The following MAP6 variants were observed in gnomAD, a reference collection of about 807,000 sequenced individuals.
MAP6 encodes microtubule associated protein 6.
Under a neutral mutation model 42.4 loss-of-function variants are expected in MAP6, and 26 were observed. That is an observed-to-expected ratio of 0.61 (90% confidence interval 0.45 to 0.85). The LOEUF (loss-of-function observed/expected upper bound fraction) is 0.85. MAP6 is among the 40% of genes least tolerant of loss of function. The pLI, the probability that MAP6 is intolerant of heterozygous loss-of-function variation, is 0.00. For synonymous variants in MAP6, 418 were observed against 443.8 expected (o/e 0.94, Z 0.73); for missense variants, 966 against 1,099.0 (o/e 0.88, Z 1.71).
intron 2 of MAP6, among the ~76,000 whole-genome samples, chr11:75,606,591 G>A (rs954721926): frequency 2.0e-5 from 3 of 152,170 alleles, no homozygotes; most frequent in African/African-American, 4.8e-5. Context: ...GTTCTGGGGC[G>A]GTGGGTCGCT....
chr11:75,654,297 C>T lies in MAP6; in HGVS notation c.905+13168G>A, dbSNP rs930689727. ...ATGTATTGTACTTTTAAGTGCCCTT[C>T]TGAATTTTTATCTCATTGATAAAAA... is the stretch of plus-strand genomic sequence containing the variant. On this transcript the variant is annotated intron_variant, in intron 1 of 3. Transcript: ENST00000304771. Among the ~76,000 whole-genome samples, 4 of 152,122 alleles carry T rather than the reference C, an allele frequency of 2.6e-5. No individual in the cohort carries two copies. The South Asian group carries it at 8.3e-4, about 32-fold the overall frequency.
intron 1 of MAP6, among the ~76,000 whole-genome samples, chr11:75,628,441 C>G (rs1943232501): frequency 6.6e-6 from 1 of 152,190 alleles, no homozygotes; most frequent in Non-Finnish European, 1.5e-5. Flanking sequence ...TCACCATGGC[C>G]ACACGGGTCC....
At chr11:75,618,175 A>G (rs1009228461) in intron 1 of MAP6, among the ~76,000 whole-genome samples, 1 of 150,764 alleles carries the variant, frequency 6.6e-6, no homozygotes, top group African/African-American at 2.4e-5. Flanking sequence ...TAAAAATAAC[A>G]TCATTTTATG....
intron 1 of MAP6, among the ~76,000 whole-genome samples, chr11:75,631,594 T>C (rs1422032299): frequency 6.6e-6 from 1 of 151,836 alleles, no homozygotes; most frequent in African/African-American, 2.4e-5. Flanking sequence ...AACTCAAACA[T>C]GAAAAGGGAA....
At position 75,668,487 on chromosome 11, in the gene MAP6, C is replaced by A; in HGVS notation, c.-118G>T. The A allele has an allele frequency of 7.3e-7, 1 of 1,373,068 alleles. No homozygotes were observed. 85.1% of individuals were successfully genotyped at this position (1,373,068 alleles called of 1,614,324 possible). On this transcript the variant is annotated 5_prime_UTR_variant, in exon 1 of 4. Transcript: ENST00000304771. ...ATGTGGTTCCCACCGTTTTCTACCC[C>A]CGATCAGCCGGAGCTAGTTCGCCCT...
At chr11:75,641,567 A>C (rs1294642344) in intron 1 of MAP6, among the ~76,000 whole-genome samples, 1 of 152,178 alleles carries the variant, frequency 6.6e-6, no homozygotes, top group Admixed American at 6.5e-5. Context: ...ACTGTAAACA[A>C]CCACTTCGTG....
Position 75,668,457 on chromosome 11 carries a change from G to A in MAP6, c.-88C>T, listed in dbSNP as rs970566779. The stretch of plus-strand genomic sequence containing the variant: ...CTTCCTTCAGCCTCCGATCCTGACC[G>A]GCCAATGTGGTTCCCACCGTTTTCT... On this transcript the variant is annotated 5_prime_UTR_variant, in exon 1 of 4. Transcript: ENST00000304771. The A allele has an allele frequency of 2.0e-5, 29 of 1,420,828 alleles. No homozygotes were observed. Among genetic ancestry groups the A allele is most frequent in the Non-Finnish European group, 2.5e-5 (27 of 1,087,790 alleles). 88.0% of individuals were successfully genotyped at this position (1,420,828 alleles called of 1,614,324 possible).
At chr11:75,656,766 T>A (rs565103652) in intron 1 of MAP6, among the ~76,000 whole-genome samples, 1 of 152,340 alleles carries the variant, frequency 6.6e-6, no homozygotes, top group East Asian at 1.9e-4. Flanking sequence ...TCAAGCTCTA[T>A]CTCCATTTAG....
At chr11:75,659,399 G>A (rs942583494) in intron 1 of MAP6, among the ~76,000 whole-genome samples, 1 of 152,086 alleles carries the variant, frequency 6.6e-6, no homozygotes, top group Non-Finnish European at 1.5e-5. Flanking sequence ...GGAGAATCGC[G>A]TGAACCCGGG....
At chr11:75,603,087 A>C (rs2135582646) in intron 3 of MAP6, 1 of 985,576 alleles carries the variant, frequency 1.0e-6, no homozygotes, top group East Asian at 1.1e-4. Context: ...GTAATTAGAC[A>C]CTTCCTGTCT....
At chr11:75,627,458 G>T (rs574655944) in intron 1 of MAP6, among the ~76,000 whole-genome samples, 6 of 152,196 alleles carry the variant, frequency 3.9e-5, no homozygotes, top group African/African-American at 1.4e-4. Flanking sequence ...GTGCTTGCAC[G>T]TACGTCCATG....
At chr11:75,628,168 C>A (rs1171758549) in intron 1 of MAP6, among the ~76,000 whole-genome samples, 2 of 152,076 alleles carry the variant, frequency 1.3e-5, no homozygotes, top group Admixed American at 6.6e-5. Context: ...TTTGCTGGAG[C>A]AAAGAATGCA....
At position 75,587,416 on chromosome 11, in the gene MAP6, A is replaced by AT; in HGVS notation, c.2084dup (p.Asp695GlufsTer31). On this transcript the variant is annotated frameshift_variant, in exon 4 of 4. Transcript: ENST00000304771. LOFTEE classifies it low-confidence loss of function (END_TRUNC). ...TCTTTACAGGTGCCACAACTGCAGA[A>AT]TCGTGAACCTTTGCATGCTCTGGGA... The AT allele has an allele frequency of 1.9e-6, 3 of 1,614,166 alleles. No homozygotes were observed. The highest frequency in any genetic ancestry group is 2.5e-6 in the Non-Finnish European group (3 of 1,180,002).
At chr11:75,665,071 A>C (rs1357008467) in intron 1 of MAP6, among the ~76,000 whole-genome samples, 1 of 152,208 alleles carries the variant, frequency 6.6e-6, no homozygotes, top group African/African-American at 2.4e-5. Context: ...AAAAGACCTA[A>C]ATTTAAAAAT....
intron 1 of MAP6, 148 bp from the exon 2 acceptor site, chr11:75,608,470 T>G: frequency 1.5e-6 from 1 of 673,926 alleles, no homozygotes; most frequent in Non-Finnish European, 2.5e-6. Context: ...CACTCTTTCA[T>G]AAGGAAGAGT....
chr11:75,640,687 G>A (rs537910088), intron 1 of MAP6, among the ~76,000 whole-genome samples: 86 of 152,250 alleles, frequency 5.6e-4, no homozygotes, highest in African/African-American at 1.8e-3. Flanking sequence ...ATGAACAGAC[G>A]CTTCTCAAAA....
intron 3 of MAP6, among the ~76,000 whole-genome samples, chr11:75,595,578 G>A (rs951792925): frequency 6.6e-6 from 1 of 152,104 alleles, no homozygotes; most frequent in Admixed American, 6.5e-5. Context: ...ATCAGCCCAA[G>A]CAGCTCTAGC....
intron 1 of MAP6, among the ~76,000 whole-genome samples, chr11:75,665,742 A>G (rs1943935945): frequency 6.6e-6 from 1 of 152,178 alleles, no homozygotes; most frequent in Non-Finnish European, 1.5e-5. Flanking sequence ...GTAGCAGCAT[A>G]AAAACATAGT....
chr11:75,587,874 T>C lies in MAP6; in HGVS notation c.1627A>G (p.Met543Val), dbSNP rs144406960. 188 of 1,614,154 alleles carry C rather than the reference T, an allele frequency of 1.2e-4. 1 individual carries two copies. In the African/African-American group the frequency reaches 2.3e-3, roughly 19 times the overall value. Residue 543 changes from methionine (M) to valine (V), a missense_variant, in exon 4 of 4, where the codon ATG becomes GTG. By Grantham distance (21) the Met-to-Val change is conservative. Transcript: ENST00000304771. ...VPVPPKNQSP[M>V]VPAKVKDQGS... ...TGATCCTTAACTTTTGCTGGAACCA[T>C]AGGACTTTGATTCTTTGGAGGAACT... is the stretch of plus-strand genomic sequence containing the variant.
Sources: allele counts gnomAD v4.1 joint callset (sites outside exome capture counted in the v4.1 genomes callset), GRCh38; gene constraint gnomAD v4.1.1; transcripts MANE v1.5; gene names NCBI Gene and HGNC (gene_info 2026-07-23, HGNC 2026-07-21).